The following DNAH17 variants were observed in gnomAD, a reference collection of about 807,000 sequenced individuals.
The protein encoded by DNAH17 is dynein axonemal heavy chain 17.
Under a neutral mutation model 485.6 loss-of-function variants are expected in DNAH17, and 376 were observed. The observed-to-expected ratio is 0.77, with a 90% CI of 0.71 to 0.84. DNAH17 has a LOEUF of 0.84. Ranked by LOEUF, DNAH17 falls within the 40% of genes least tolerant of loss-of-function variation. DNAH17 has a pLI of 0.00. For synonymous variants in DNAH17, 3,031 were observed against 2,405.9 expected (o/e 1.26, Z -7.60); for missense variants, 6,370 against 5,839.3 (o/e 1.09, Z -2.96).
Position 78,526,735 on chromosome 17 carries a change from G to A in DNAH17, c.3627C>T (p.Leu1209=). Residue 1209 remains leucine, a splice_region_variant and synonymous_variant, in exon 24 of 81, where the codon CTC becomes CTT. Coordinates refer to ENST00000389840, the MANE Select transcript of DNAH17 (RefSeq NM_173628.4). ...ILRRKCQQFE[L]KQHEFRERFR... ...ACCTCTCCCTGAACTCATGTTGCTT[G>A]AGCTGCGAGAGAAGAGTGCAAAGTA... 2 of 1,605,238 alleles carry A rather than the reference G, an allele frequency of 1.2e-6. No homozygotes were observed. The highest frequency in any genetic ancestry group is 1.1e-5 in the South Asian group (1 of 90,490).
chr17:78,517,551 C>T (rs1407554415), intron 25 of DNAH17, among the ~76,000 whole-genome samples: 2 of 152,168 alleles, frequency 1.3e-5, no homozygotes, highest in East Asian at 1.9e-4. Flanking sequence ...TTTCTGCTGC[C>T]TAGGAGGCCA....
chr17:78,521,420 A>AT (rs997464017), intron 25 of DNAH17, among the ~76,000 whole-genome samples: 3 of 151,948 alleles, frequency 2.0e-5, no homozygotes, highest in Non-Finnish European at 4.4e-5. Context: ...GAAAAAAAGA[A>AT]TTTTTTTTAA....
intron 75 of DNAH17, among the ~76,000 whole-genome samples, chr17:78,431,014 G>C (rs115526689): frequency 0.021 from 3,189 of 148,776 alleles, 114 homozygotes; most frequent in African/African-American, 0.074. Flanking sequence ...CCAAGTAGCT[G>C]GGCCTACAGT....
chr17:78,527,984 G>T (rs1450457036), intron 22 of DNAH17, among the ~76,000 whole-genome samples: 2 of 151,810 alleles, frequency 1.3e-5, no homozygotes, highest in African/African-American at 4.8e-5. Flanking sequence ...TTGCCATGTT[G>T]CCCAGACTGG....
chr17:78,570,879 G>GAAAA (rs1186425349), intron 6 of DNAH17, 69 bp downstream of exon 6: 20 of 488,442 alleles, frequency 4.1e-5, no homozygotes, highest in Non-Finnish European at 5.6e-5. Context: ...AAAAAAAAAA[G>GAAAA]AAAAAAGAAA....
chr17:78,497,417 A>G (rs1423736740), intron 37 of DNAH17, among the ~76,000 whole-genome samples: 1 of 152,196 alleles, frequency 6.6e-6, no homozygotes. Flanking sequence ...GTCCCCTGGC[A>G]GGACTGGGGC....
At position 78,567,011 on chromosome 17, in the gene DNAH17, G is replaced by C. The variant is rs767171083; in HGVS notation, c.1440C>G (p.Asp480Glu). The change falls in exon 10 of 81, where the codon GAC (aspartate) becomes GAG (glutamate). Residue 480 changes from aspartate (D) to glutamate (E), a missense_variant. By Grantham distance (45) the Asp-to-Glu change is conservative (BLOSUM62 2). Coordinates refer to ENST00000389840, the MANE Select transcript of DNAH17 (RefSeq NM_173628.4). ...CCCGAGGACCTACCGAGTCTCCAGGGTCCAAGGGATCATATTTGCAGTCGG... is the reference window on the plus strand; with the variant it reads ...CCCGAGGACCTACCGAGTCTCCAGGCTCCAAGGGATCATATTTGCAGTCGG... ...VFADCKYDPL[D>E]PGDSNFDRDY... 1.2e-6 allele frequency: 2 copies of C among 1,613,000 alleles called. No homozygotes were observed. The highest frequency in any genetic ancestry group is 2.7e-5 in the African/African-American group (2 of 74,840).
chr17:78,448,104 G>A (rs983224896), intron 69 of DNAH17, among the ~76,000 whole-genome samples: 12 of 151,908 alleles, frequency 7.9e-5, no homozygotes, highest in Admixed American at 7.9e-4. Flanking sequence ...CCCGGGAGGT[G>A]GAGGTTGTGG....
At chr17:78,554,241 A>G (rs79959191) in intron 14 of DNAH17, among the ~76,000 whole-genome samples, 3 of 152,026 alleles carry the variant, frequency 2.0e-5, no homozygotes, top group Non-Finnish European at 2.9e-5. Context: ...GGAGTTCAAG[A>G]CCAGCCTGGC....
chr17:78,432,695 A>C (rs1207791201), intron 75 of DNAH17, among the ~76,000 whole-genome samples: 5 of 152,218 alleles, frequency 3.3e-5, no homozygotes, highest in African/African-American at 9.7e-5. Flanking sequence ...TGTGCCGTGC[A>C]TGCCTGGGGC....
chr17:78,516,859 A>G (rs550228142), intron 25 of DNAH17, among the ~76,000 whole-genome samples: 2 of 152,322 alleles, frequency 1.3e-5, no homozygotes, highest in Admixed American at 6.5e-5. Flanking sequence ...TAGACTTGGT[A>G]TGGTCAGCAT....
chr17:78,444,900 G>A, intron 70 of DNAH17, 103 bp from the exon 71 acceptor site: 2 of 1,193,914 alleles, frequency 1.7e-6, no homozygotes, highest in Non-Finnish European at 2.3e-6. Context: ...TACCCTCCGA[G>A]GAAACCGGGG....
chr17:78,494,261 G>T (rs878934386), intron 40 of DNAH17, 88 bp from the exon 41 acceptor site: 1 of 1,522,892 alleles, frequency 6.6e-7, no homozygotes, highest in Non-Finnish European at 8.8e-7. Context: ...CTGCCCCGTG[G>T]GGGAGATGAT....
At chr17:78,510,860 C>T (rs1338879198) in intron 26 of DNAH17, among the ~76,000 whole-genome samples, 1 of 151,950 alleles carries the variant, frequency 6.6e-6, no homozygotes, top group Non-Finnish European at 1.5e-5. Context: ...CTGGATTTTC[C>T]GGTGAGACAT....
intron 42 of DNAH17, among the ~76,000 whole-genome samples, chr17:78,492,042 G>A (rs143168896): frequency 6.6e-6 from 1 of 152,152 alleles, no homozygotes; most frequent in East Asian, 1.9e-4. Flanking sequence ...CCAGCGAAGG[G>A]GGACAGGGAA....
rs770259130 is a variant in DNAH17 at position 78,485,975 on chromosome 17, G to C, written c.7260C>G (p.Pro2420=). The change falls in exon 46 of 81, where the codon CCC becomes CCG. Residue 2420 remains proline, a synonymous_variant. Transcript: ENST00000389840. Reference sequence around the variant, plus strand: ...GGACAGTTACCTGCAGTGGGACATCGGGATCCAGCTCAAAGGAGGGCACTT... The same window carrying C: ...GGACAGTTACCTGCAGTGGGACATCCGGATCCAGCTCAAAGGAGGGCACTT... ...TDKVPSFELD[P]DVPLQASLVH... is the part of the protein sequence containing the mutation. The C allele has an allele frequency of 6.2e-7, 1 of 1,612,384 alleles. No homozygotes were observed. Among genetic ancestry groups the C allele is most frequent in the South Asian group, 1.1e-5 (1 of 90,928 alleles).
Position 78,479,564 on chromosome 17 carries a change from G to T in DNAH17, c.7821C>A (p.Ile2607=). 1 of 1,613,730 alleles carries T rather than the reference G, an allele frequency of 6.2e-7. No individual in the cohort carries two copies. The highest frequency in any genetic ancestry group is 8.5e-7 in the Non-Finnish European group (1 of 1,179,886). ...AGCGGAAGGCCAGGTGCTGCGTCAG[G>T]ATTGTGTTGTAGATGGTGGTGAGGG... The part of the protein sequence containing the change: ...QEALTTIYNT[I]LTQHLAFRSV... Residue 2607 remains isoleucine, a synonymous_variant, in exon 50 of 81, where the codon ATC becomes ATA. Transcript: ENST00000389840.
At position 78,507,718 on chromosome 17, in the gene DNAH17, T is replaced by C; in HGVS notation, c.4324A>G (p.Ser1442Gly). The C allele has an allele frequency of 6.2e-7, 1 of 1,607,080 alleles. No individual in the cohort carries two copies. Among genetic ancestry groups the C allele is most frequent in the South Asian group, 1.1e-5 (1 of 90,840 alleles). The stretch of plus-strand genomic sequence containing the variant: ...TCCAGCGTCTCCACCAGCACCTCGC[T>C]GGACTTGAGCATCATGGTGCCTGTC... Reference protein sequence around the residue: ...PRTGTMMLKSSEVLVETLEDN... With the variant: ...PRTGTMMLKSGEVLVETLEDN... Residue 1442 changes from serine to glycine, a missense_variant, in exon 28 of 81, where the codon AGC becomes GGC. By Grantham distance (56) the Ser-to-Gly change is moderately conservative (BLOSUM62 0). Transcript: ENST00000389840.
At chr17:78,547,726 T>C (rs1474669695) in intron 16 of DNAH17, among the ~76,000 whole-genome samples, 1 of 151,896 alleles carries the variant, frequency 6.6e-6, no homozygotes, top group Non-Finnish European at 1.5e-5. Context: ...CAAGCAATTC[T>C]CCTGCCTCAG....
Sources: allele counts gnomAD v4.1 joint callset (sites outside exome capture counted in the v4.1 genomes callset), GRCh38; gene constraint gnomAD v4.1.1; transcripts MANE v1.5; gene names NCBI Gene and HGNC (gene_info 2026-07-23, HGNC 2026-07-21).